The following RASL12 variants were observed in gnomAD, a reference collection of about 807,000 sequenced individuals.
The protein encoded by RASL12 is RAS like family 12.
Under a neutral mutation model 22.9 loss-of-function variants are expected in RASL12, and 16 were observed. The observed-to-expected ratio is 0.70, with a 90% CI of 0.47 to 1.06. RASL12 has a LOEUF of 1.06. Ranked by LOEUF, RASL12 falls within the 50% of genes least tolerant of loss-of-function variation. RASL12 has a pLI of 0.00. For synonymous variants in RASL12, 159 were observed against 152.2 expected, an observed-to-expected ratio of 1.04 and a Z score of -0.33; for missense variants, 306 against 353.1, an observed-to-expected ratio of 0.87 and a Z score of 1.07.
At position 65,053,511 on chromosome 15, in the gene RASL12, A is replaced by G. The variant is rs909598709; in HGVS notation, c.*1388T>C. 9.2e-7 allele frequency: 1 copy of G among 1,090,874 alleles called. No homozygotes were observed. The highest frequency in any genetic ancestry group is 5.0e-5 in the Admixed American group (1 of 20,144). 67.6% of individuals were successfully genotyped at this position (1,090,874 alleles called of 1,614,324 possible). A position where few individuals can be genotyped will look rare whatever the true frequency, so the allele number is the denominator to read the frequency against. ...TCGGGAAGCCTGTAGGACTGCAAGC[A>G]TGTGGTCTTGAGTAGTTCACAGCCC... On this transcript the variant is annotated 3_prime_UTR_variant, in exon 5 of 5. Transcript: ENST00000220062.
downstream of RASL12, chr15:65,049,360 G>T (rs1209900021): frequency 4.6e-5 from 7 of 151,540 alleles, no homozygotes; most frequent in Admixed American, 2.0e-4. Context: ...AAAAGCTCTC[G>T]GGGTCGGGGC....
At chr15:65,074,768 G>C (rs1408834133) in intron 1 of RASL12, among the ~76,000 whole-genome samples, 1 of 152,264 alleles carries the variant, frequency 6.6e-6, no homozygotes. Flanking sequence ...AAAGATGCAG[G>C]TGAAATGGGT....
chr15:65,059,154 G>T (rs1351809755), intron 3 of RASL12, among the ~76,000 whole-genome samples, 191 bp downstream of exon 3: 2 of 152,236 alleles, frequency 1.3e-5, no homozygotes, highest in Non-Finnish European at 2.9e-5. Context: ...TCCAGGCCCT[G>T]TCCCATCCTT....
chr15:65,066,627 T>G (rs1298643218), intron 1 of RASL12, among the ~76,000 whole-genome samples: 1 of 152,246 alleles, frequency 6.6e-6, no homozygotes, highest in Admixed American at 6.5e-5. Context: ...TTAAATTCTT[T>G]CTTTTATGTA....
At chr15:65,052,386 T>C (rs1024803055), downstream of RASL12, among the ~76,000 whole-genome samples, 2 of 148,536 alleles carry the variant, frequency 1.3e-5, no homozygotes, top group Non-Finnish European at 3.0e-5. Context: ...ACACTAGCTA[T>C]GTGCATCCTT....
chr15:65,054,884 C>T lies in RASL12; in HGVS notation c.*15G>A. 2 of 1,600,660 alleles carry T rather than the reference C, an allele frequency of 1.2e-6. No homozygotes were observed. The highest frequency in any genetic ancestry group is 1.7e-6 in the Non-Finnish European group (2 of 1,171,246). On this transcript the variant is annotated 3_prime_UTR_variant, in exon 5 of 5. Transcript: ENST00000220062. ...CTGTCCAGCCACCGAGCCTAGGCTT[C>T]CTGGGGAGGGGGCCTCAGAAGATCT... is the stretch of plus-strand genomic sequence containing the variant.
chr15:65,058,193 C>T (rs2086756604), intron 4 of RASL12, among the ~76,000 whole-genome samples: 1 of 152,144 alleles, frequency 6.6e-6, no homozygotes, highest in South Asian at 2.1e-4. Flanking sequence ...CACTTGAACC[C>T]AGGAGGTGGA....
chr15:65,049,239 G>C, downstream of RASL12: 1 of 151,424 alleles, frequency 6.6e-6, no homozygotes, highest in East Asian at 1.9e-4. Flanking sequence ...GATGGAAATA[G>C]GCCTACACGA....
At chr15:65,065,407 C>G in intron 1 of RASL12, 134 bp from the exon 2 acceptor site, 3 of 822,914 alleles carry the variant, frequency 3.6e-6, no homozygotes, top group Non-Finnish European at 5.8e-6. Context: ...GAGAATGAAG[C>G]TAGGGAACTG....
chr15:65,048,788 C>T (rs1011659594), downstream of RASL12, among the ~76,000 whole-genome samples: 4 of 152,156 alleles, frequency 2.6e-5, no homozygotes, highest in Non-Finnish European at 4.4e-5. Flanking sequence ...GCGGGTGGAT[C>T]ACCTGAGGTC....
downstream of RASL12, among the ~76,000 whole-genome samples, chr15:65,048,482 T>C (rs970475340): frequency 7.2e-5 from 11 of 152,176 alleles, no homozygotes; most frequent in Non-Finnish European, 1.5e-4. Flanking sequence ...CAAAGGCTAT[T>C]TGGGGCTGAG....
In RASL12 at chr15:65,055,070, G is replaced by A. The variant is rs1475438228; in HGVS notation, c.630C>T (p.Leu210=). 1.2e-6 allele frequency: 2 copies of A among 1,612,840 alleles called. No homozygotes were observed. Among genetic ancestry groups the A allele is most frequent in the South Asian group, 2.2e-5 (2 of 90,834 alleles). Residue 210 remains leucine, a synonymous_variant, in exon 5 of 5, where the codon CTC becomes CTT. Coordinates refer to ENST00000220062, the MANE Select transcript of RASL12 (RefSeq NM_016563.4). ...AGCTGGCCAGCCCATGCCGCGCGGTGAGCGGGGCCTGGTGGGGCAGGGCCC... is the reference window on the plus strand; with the variant it reads ...AGCTGGCCAGCCCATGCCGCGCGGTAAGCGGGGCCTGGTGGGGCAGGGCCC... ...EERALPHQAP[L]TARHGLASCT... is the part of the protein sequence containing the mutation.
intron 2 of RASL12, among the ~76,000 whole-genome samples, chr15:65,063,024 T>C (rs1401469281): frequency 1.3e-5 from 2 of 152,124 alleles, no homozygotes; most frequent in Non-Finnish European, 2.9e-5. Flanking sequence ...TCCCAGACAG[T>C]CTGCCCACGC....
intron 2 of RASL12, among the ~76,000 whole-genome samples, chr15:65,060,934 A>G (rs1325565640): frequency 6.6e-6 from 1 of 152,226 alleles, no homozygotes; most frequent in Non-Finnish European, 1.5e-5. Context: ...GCAAAGACAA[A>G]AAAAATCTAA....
intron 1 of RASL12, among the ~76,000 whole-genome samples, chr15:65,074,116 C>CTCAGAG: frequency 2.2e-5 from 3 of 137,560 alleles, no homozygotes; most frequent in Non-Finnish European, 3.0e-5. Flanking sequence ...ATTGGACTGG[C>CTCAGAG]TCAGAGTCAG....
At chr15:65,046,366 A>G in the RASL12 span, among the ~76,000 whole-genome samples, 2 of 152,148 alleles carry the variant, frequency 1.3e-5, no homozygotes. Context: ...GCTACTTGGG[A>G]GGCTGAGGCA....
intron 2 of RASL12, among the ~76,000 whole-genome samples, chr15:65,061,859 TG>T (rs1203719895): frequency 2.0e-5 from 3 of 151,856 alleles, no homozygotes; most frequent in Admixed American, 6.6e-5. Context: ...ACCATCCTGC[TG>T]AACACGGTGA....
chr15:65,052,932 C>CGGG, downstream of RASL12: 1 of 1,170,746 alleles, frequency 8.5e-7, no homozygotes, highest in Non-Finnish European at 1.2e-6. Context: ...AACCACTCAG[C>CGGG]CCCCCTCATT....
At chr15:65,069,605 T>C (rs994050964), upstream of RASL12, among the ~76,000 whole-genome samples, 8 of 152,334 alleles carry the variant, frequency 5.3e-5, no homozygotes, top group South Asian at 1.7e-3. Flanking sequence ...TCTTTAAAAC[T>C]TGACCAACCA....
Sources: allele counts gnomAD v4.1 joint callset (sites outside exome capture counted in the v4.1 genomes callset), GRCh38; gene constraint gnomAD v4.1.1; transcripts MANE v1.5; gene names NCBI Gene and HGNC (gene_info 2026-07-23, HGNC 2026-07-21).